CDH18: variants seen among roughly 807,000 people sequenced by gnomAD.
The protein encoded by CDH18 is cadherin 18, also known as cadherin-18.
In CDH18, 31 loss-of-function variants were observed where a neutral mutation model predicts 67.9. The ratio of observed to expected loss-of-function variants is 0.46; its 90% CI spans 0.34 to 0.62. The LOEUF (loss-of-function observed/expected upper bound fraction) is 0.62, where lower values mean the gene tolerates loss of function less well. Ranked by LOEUF, CDH18 falls within the 20% of genes least tolerant of loss-of-function variation. The pLI is 0.01. For missense variants in CDH18, 890 were observed against 975.5 expected (o/e 0.91, Z 1.17); for synonymous variants, 362 against 347.2 (o/e 1.04, Z -0.48).
chr5:19,902,855 G>A (rs894039033), intron 2 of CDH18, among the ~76,000 whole-genome samples: 1 of 152,030 alleles, frequency 6.6e-6, no homozygotes, highest in Non-Finnish European at 1.5e-5. Flanking sequence ...ATCTTGCAAG[G>A]TAATTCCATT....
At chr5:20,370,152 AT>A (rs912057220) in intron 1 of CDH18, among the ~76,000 whole-genome samples, 138 of 152,276 alleles carry the variant, frequency 9.1e-4, no homozygotes, top group African/African-American at 3.1e-3. Context: ...GATAATAGTC[AT>A]CACCATCATC....
chr5:20,210,960 AT>A (rs1740306641), intron 2 of CDH18, among the ~76,000 whole-genome samples: 1 of 152,104 alleles, frequency 6.6e-6, no homozygotes, highest in Non-Finnish European at 1.5e-5. Context: ...GATTAGATAA[AT>A]ATTATTCATA....
intron 1 of CDH18, among the ~76,000 whole-genome samples, chr5:20,377,394 A>G (rs1421568004): frequency 1.3e-5 from 2 of 152,196 alleles, no homozygotes; most frequent in East Asian, 3.9e-4. Context: ...TTTCAAGAGA[A>G]TCATCATTGT....
chr5:19,533,235 C>T (rs1748920390), intron 9 of CDH18, among the ~76,000 whole-genome samples: 6 of 152,096 alleles, frequency 3.9e-5, no homozygotes, highest in Non-Finnish European at 7.4e-5. Flanking sequence ...TGTCCGTAAG[C>T]CAAAGAAAGA....
intron 11 of CDH18, chr5:19,502,651 T>A (rs1743447697): frequency 2.2e-6 from 1 of 460,566 alleles, no homozygotes; most frequent in Admixed American, 3.9e-5. Flanking sequence ...AGGATATATT[T>A]TTCATTTTTT....
At chr5:19,840,396 G>C (rs1284930431) in intron 2 of CDH18, among the ~76,000 whole-genome samples, 2 of 152,036 alleles carry the variant, frequency 1.3e-5, no homozygotes, top group Admixed American at 1.3e-4. Flanking sequence ...CAGGATATGG[G>C]AGAGAAAAGA....
chr5:19,575,424 AGTTT>A (rs931001909), intron 7 of CDH18, among the ~76,000 whole-genome samples: 2 of 152,212 alleles, frequency 1.3e-5, no homozygotes, highest in Non-Finnish European at 2.9e-5. Context: ...TTCAAAAGTT[AGTTT>A]AACTCATATG....
At chr5:19,989,046 A>G (rs908220382), upstream of CDH18, among the ~76,000 whole-genome samples, 1 of 152,176 alleles carries the variant, frequency 6.6e-6, no homozygotes, top group Non-Finnish European at 1.5e-5. Flanking sequence ...ATAGCTTTTG[A>G]TAACAGGGAT....
At chr5:19,900,380 G>T (rs1212301627) in intron 2 of CDH18, among the ~76,000 whole-genome samples, 2 of 152,176 alleles carry the variant, frequency 1.3e-5, no homozygotes, top group South Asian at 2.1e-4. Flanking sequence ...TAGAAGAGTG[G>T]TTTTTGAATG....
intron 6 of CDH18, among the ~76,000 whole-genome samples, chr5:19,610,236 C>A (rs1285974147): frequency 6.6e-6 from 1 of 152,036 alleles, no homozygotes; most frequent in Non-Finnish European, 1.5e-5. Context: ...TCATTAGACA[C>A]AATGAGTTAA....
intron 4 of CDH18, among the ~76,000 whole-genome samples, chr5:19,738,388 CCAT>C (rs1427893578): frequency 2.0e-5 from 3 of 152,120 alleles, no homozygotes; most frequent in Non-Finnish European, 4.4e-5. Flanking sequence ...CCTCAATGAT[CCAT>C]TGATCACTGC....
chr5:19,919,422 T>G (rs1792190289), intron 2 of CDH18, among the ~76,000 whole-genome samples: 2 of 152,158 alleles, frequency 1.3e-5, no homozygotes, highest in South Asian at 4.1e-4. Context: ...CCACTACTTG[T>G]GACAGGTATC....
chr5:19,669,492 T>C (rs1404223817), intron 5 of CDH18, among the ~76,000 whole-genome samples: 4 of 151,838 alleles, frequency 2.6e-5, no homozygotes, highest in East Asian at 3.9e-4. Context: ...GGTTTCTCCA[T>C]GTTGGTCAGA....
At chr5:20,305,534 G>A in intron 1 of CDH18, 2 of 838,130 alleles carry the variant, frequency 2.4e-6, no homozygotes. Context: ...CAGGGGTCTC[G>A]AGCGGCTGGT....
chr5:20,320,140 T>C (rs1269026184), intron 1 of CDH18, among the ~76,000 whole-genome samples: 1 of 152,174 alleles, frequency 6.6e-6, no homozygotes. Context: ...TAGATAAAGA[T>C]CTGAATGTGC....
intron 1 of CDH18, among the ~76,000 whole-genome samples, chr5:20,540,768 C>A (rs137966628): frequency 1.5e-3 from 221 of 152,310 alleles, no homozygotes; most frequent in Non-Finnish European, 1.8e-3. Context: ...TTGCCTCTGG[C>A]AGAAACTAGA....
At chr5:19,978,224 C>T (rs574874362) in intron 2 of CDH18, among the ~76,000 whole-genome samples, 20 of 152,026 alleles carry the variant, frequency 1.3e-4, no homozygotes, top group African/African-American at 4.1e-4. Flanking sequence ...GAGATAAGAA[C>T]GTATTCATTA....
At chr5:20,104,956 G>A (rs548666606) in intron 2 of CDH18, among the ~76,000 whole-genome samples, 16 of 151,780 alleles carry the variant, frequency 1.1e-4, no homozygotes, top group African/African-American at 2.9e-4. Context: ...TCCAATTTCC[G>A]TATTTCTGAT....
chr5:20,311,071 C>G (rs532521628), intron 1 of CDH18, among the ~76,000 whole-genome samples: 2 of 152,124 alleles, frequency 1.3e-5, no homozygotes, highest in African/African-American at 4.8e-5. Context: ...ATTGTATACA[C>G]CCCTGACCCT....
Sources: gnomAD v4.1 joint callset for allele counts (sites outside exome capture counted in the v4.1 genomes callset) on GRCh38, gnomAD v4.1.1 for gene constraint, MANE v1.5 for transcripts, NCBI Gene and HGNC (gene_info 2026-07-23, HGNC 2026-07-21) for gene names.